Variants in HNRNPM observed in about 807,000 individuals in gnomAD.
HNRNPM encodes the protein heterogeneous nuclear ribonucleoprotein M, also known as CEA receptor.
A neutral mutation model predicts 73.1 loss-of-function variants in HNRNPM; 11 were observed. The observed-to-expected ratio is 0.15, with a 90% CI of 0.09 to 0.25. HNRNPM has a LOEUF of 0.25. Among genes scored for constraint, HNRNPM ranks in the 10% least tolerant of loss-of-function variants. HNRNPM has a pLI of 1.00. For synonymous variants in HNRNPM, 407 were observed against 355.2 expected, an observed-to-expected ratio of 1.15 and a Z score of -1.64; for missense variants, 789 against 1,067.9, an observed-to-expected ratio of 0.74 and a Z score of 3.64.
intron 1 of HNRNPM, among the ~76,000 whole-genome samples, chr19:8,453,423 G>A (rs1217372530): frequency 6.6e-6 from 1 of 152,192 alleles, no homozygotes; most frequent in Non-Finnish European, 1.5e-5. Context: ...TTACAGATGG[G>A]AGTTACCACA....
chr19:8,473,749 G>A, intron 11 of HNRNPM, 41 bp downstream of exon 11: 1 of 1,192,540 alleles, frequency 8.4e-7, no homozygotes, highest in Non-Finnish European at 1.2e-6. Flanking sequence ...ATCACTTTTA[G>A]GCATAGTTTT....
intron 7 of HNRNPM, 50 bp from the exon 8 acceptor site, chr19:8,467,485 C>G: frequency 2.9e-6 from 4 of 1,394,494 alleles, no homozygotes; most frequent in East Asian, 4.6e-5. Context: ...TTGTATTTCT[C>G]TTGTGCACAT....
chr19:8,455,008 C>T (rs1233352092), intron 1 of HNRNPM, among the ~76,000 whole-genome samples: 1 of 152,100 alleles, frequency 6.6e-6, no homozygotes, highest in Non-Finnish European at 1.5e-5. Context: ...GGGTCTCGCT[C>T]TGTCACCCTA....
In HNRNPM at chr19:8,462,439, A is replaced by T. The variant is rs1969469313; in HGVS notation, c.284-90A>T. The T allele has an allele frequency of 9.0e-7, 1 of 1,105,222 alleles. No homozygotes were observed. Among genetic ancestry groups the T allele is most frequent in the Non-Finnish European group, 1.4e-6 (1 of 716,440 alleles). 68.5% of individuals were successfully genotyped at this position (1,105,222 alleles called of 1,614,324 possible). On this transcript the variant is annotated intron_variant, in intron 2 of 15. Transcript: ENST00000325495. This position sits in a 1 kb window ranked among gnomAD's most constrained non-coding sequence, Gnocchi z 4.5. ...GGCTTTCTTATAAGGCAGAGGCTCC[A>T]TACAAGGTTGCTGATGATTGTTCTA...
At chr19:8,468,718 G>A in intron 8 of HNRNPM, 56 bp from the exon 9 acceptor site, 1 of 1,386,296 alleles carries the variant, frequency 7.2e-7, no homozygotes, top group Admixed American at 1.7e-5. Context: ...GTCTTTTGCT[G>A]TTGCAAACAC....
At chr19:8,458,136 C>CT (rs1568267180) in intron 2 of HNRNPM, among the ~76,000 whole-genome samples, 2 of 150,678 alleles carry the variant, frequency 1.3e-5, no homozygotes, top group African/African-American at 5.0e-5. Flanking sequence ...TAAGGATACT[C>CT]CGGGGGGAGA....
At chr19:8,453,832 A>G (rs1007871726) in intron 1 of HNRNPM, among the ~76,000 whole-genome samples, 1 of 152,210 alleles carries the variant, frequency 6.6e-6, no homozygotes, top group East Asian at 1.9e-4. Context: ...CCTGTCAGCC[A>G]GTGCCCGGGC....
Position 8,486,219 on chromosome 19 carries a change from C to T in HNRNPM, c.1791C>T (p.Gly597=). Reference sequence around the variant, plus strand: ...TCGAGCGCATGGGCCCTGCCATGGGCCCGGCCCTGGGCGCTGGCATTGAGC... The same window carrying T: ...TCGAGCGCATGGGCCCTGCCATGGGTCCGGCCCTGGGCGCTGGCATTGAGC... ...NSLERMGPAM[G]PALGAGIERM... The change falls in exon 14 of 16, where the codon GGC becomes GGT. Residue 597 remains glycine, a synonymous_variant. Coordinates refer to ENST00000325495, the MANE Select transcript of HNRNPM (RefSeq NM_005968.5). The T allele has an allele frequency of 6.3e-7, 1 of 1,591,098 alleles. No homozygotes were observed.
At chr19:8,475,767 T>C (rs1255575252) in intron 12 of HNRNPM, among the ~76,000 whole-genome samples, 2 of 152,204 alleles carry the variant, frequency 1.3e-5, no homozygotes, top group Non-Finnish European at 2.9e-5. Context: ...CTTGGTAAAA[T>C]GTTACTCAGA....
chr19:8,468,881 C>G (rs113073660), intron 9 of HNRNPM, 47 bp downstream of exon 9: 4 of 1,433,452 alleles, frequency 2.8e-6, no homozygotes, highest in Middle Eastern at 1.7e-4. Flanking sequence ...TGGAGTTACA[C>G]TAATAAACAG....
chr19:8,482,828 G>T (rs770781169), intron 12 of HNRNPM: 3 of 202,144 alleles, frequency 1.5e-5, no homozygotes, highest in African/African-American at 7.1e-5. Flanking sequence ...GAAAACTGCC[G>T]CTGAGCGAGA....
chr19:8,479,755 T>TAAA (rs1178134145), intron 12 of HNRNPM, among the ~76,000 whole-genome samples: 33 of 83,264 alleles, frequency 4.0e-4, no homozygotes, highest in African/African-American at 1.5e-3. Flanking sequence ...GCGGTGTATT[T>TAAA]AAAAAAAAAA....
intron 12 of HNRNPM, among the ~76,000 whole-genome samples, chr19:8,477,029 C>T (rs1434655777): frequency 6.6e-6 from 1 of 152,152 alleles, no homozygotes; most frequent in Non-Finnish European, 1.5e-5. Context: ...TCATAATGTG[C>T]TGCTGCTGCC....
At chr19:8,453,556 T>C (rs919531078) in intron 1 of HNRNPM, among the ~76,000 whole-genome samples, 11 of 152,230 alleles carry the variant, frequency 7.2e-5, no homozygotes, top group Admixed American at 4.6e-4. Context: ...GATACTTTTA[T>C]AAATCATTAA....
chr19:8,488,408 C>T (rs941513993), intron 15 of HNRNPM: 2 of 330,206 alleles, frequency 6.1e-6, no homozygotes. Context: ...TGTATGGGAA[C>T]TTTCTGCCTA....
At chr19:8,482,767 A>G (rs1214211679) in intron 12 of HNRNPM, 3 of 163,040 alleles carry the variant, frequency 1.8e-5, no homozygotes, top group Admixed American at 6.5e-5. Context: ...CTTACTTTCC[A>G]GCTCAGGGGA....
chr19:8,484,378 T>C (rs1971125422), intron 13 of HNRNPM, among the ~76,000 whole-genome samples: 1 of 152,212 alleles, frequency 6.6e-6, no homozygotes, highest in African/African-American at 2.4e-5. Flanking sequence ...GGTTTCACCA[T>C]GTTGGCCAGG....
At chr19:8,472,178 A>G (rs910970142) in intron 10 of HNRNPM, among the ~76,000 whole-genome samples, 18 of 152,044 alleles carry the variant, frequency 1.2e-4, no homozygotes, top group African/African-American at 3.1e-4. Flanking sequence ...TCCAGAAAAA[A>G]AAAAAAAAAA....
intron 7 of HNRNPM, among the ~76,000 whole-genome samples, chr19:8,466,932 T>C (rs1231626851): frequency 6.6e-6 from 1 of 151,802 alleles, no homozygotes; most frequent in African/African-American, 2.4e-5. Flanking sequence ...CCATGAGTCT[T>C]TCTACTGTTT....
Sources: gnomAD v4.1 joint callset for allele counts (sites outside exome capture counted in the v4.1 genomes callset) on GRCh38, gnomAD v4.1.1 for gene constraint, Gnocchi (gnomAD v3.1) non-coding constraint, MANE v1.5 for transcripts, NCBI Gene and HGNC (gene_info 2026-07-23, HGNC 2026-07-21) for gene names.